POC1A: variants seen among roughly 807,000 people sequenced by gnomAD.
The protein encoded by POC1A is POC1 centriolar protein A.
In POC1A, 34 loss-of-function variants were observed where a neutral mutation model predicts 47.8. The observed-to-expected ratio is 0.71, with a 90% CI of 0.54 to 0.95. POC1A has a LOEUF of 0.95. Ranked by LOEUF, POC1A falls within the 40% of genes least tolerant of loss-of-function variation. The probability of loss-of-function intolerance (pLI) is 0.00; values close to 1 mark genes in which losing one functional copy is unlikely to be tolerated. For synonymous variants in POC1A, 177 were observed against 207.6 expected (o/e 0.85, Z 1.27); for missense variants, 466 against 528.3 (o/e 0.88, Z 1.16).
At chr3:52,119,274 TC>T (rs1052284579) in intron 9 of POC1A, among the ~76,000 whole-genome samples, 9 of 151,782 alleles carry the variant, frequency 5.9e-5, no homozygotes, top group Non-Finnish European at 1.3e-4. Context: ...ATTCCCACAC[TC>T]CTCCCACTGC....
intron 7 of POC1A, among the ~76,000 whole-genome samples, chr3:52,126,082 A>G (rs1703986843): frequency 6.6e-6 from 1 of 152,144 alleles, no homozygotes; most frequent in African/African-American, 2.4e-5. Context: ...TGGTATTCCC[A>G]AGCAAAATCA....
At chr3:52,107,089 C>T (rs1309332542) in intron 9 of POC1A, among the ~76,000 whole-genome samples, 1 of 152,178 alleles carries the variant, frequency 6.6e-6, no homozygotes, top group Non-Finnish European at 1.5e-5. Flanking sequence ...AGGGAGGTGA[C>T]GGCTAAGTAA....
chr3:52,105,201 C>A (rs148026712), intron 9 of POC1A, among the ~76,000 whole-genome samples: 48 of 152,236 alleles, frequency 3.2e-4, no homozygotes, highest in Non-Finnish European at 6.3e-4. Context: ...TGTCTGACCA[C>A]TGCTCACTGA....
intron 7 of POC1A, among the ~76,000 whole-genome samples, chr3:52,133,524 C>CT (rs1704316752): frequency 6.6e-6 from 1 of 152,142 alleles, no homozygotes; most frequent in South Asian, 2.1e-4. Context: ...TGACTCCTGG[C>CT]TGATAACCTG....
intron 6 of POC1A, among the ~76,000 whole-genome samples, chr3:52,140,393 G>A (rs1206103508): frequency 6.6e-6 from 1 of 152,190 alleles, no homozygotes; most frequent in Non-Finnish European, 1.5e-5. Flanking sequence ...CTGGGATGAA[G>A]GCCACCTCCA....
At chr3:52,087,649 A>G (rs1702506132) in intron 10 of POC1A, among the ~76,000 whole-genome samples, 1 of 152,204 alleles carries the variant, frequency 6.6e-6, no homozygotes, top group African/African-American at 2.4e-5. Flanking sequence ...TACCTTGCTC[A>G]TGGCTTAAAA....
chr3:52,080,742 G>A (rs1246759101), intron 10 of POC1A, among the ~76,000 whole-genome samples: 2 of 152,252 alleles, frequency 1.3e-5, no homozygotes, highest in Non-Finnish European at 2.9e-5. Context: ...TGCCACTGCA[G>A]CATTAAGTGA....
At chr3:52,131,294 G>A (rs1181550401) in intron 7 of POC1A, among the ~76,000 whole-genome samples, 2 of 152,322 alleles carry the variant, frequency 1.3e-5, no homozygotes, top group East Asian at 1.9e-4. Flanking sequence ...CGGGGCCTGA[G>A]GCTCTGAACA....
At chr3:52,132,422 G>A (rs997324944) in intron 7 of POC1A, among the ~76,000 whole-genome samples, 3 of 152,160 alleles carry the variant, frequency 2.0e-5, no homozygotes, top group Admixed American at 2.0e-4. Flanking sequence ...ACAAGGCTGT[G>A]TAACCTCCCC....
chr3:52,120,069 C>A (rs1003480238), intron 9 of POC1A, among the ~76,000 whole-genome samples: 6 of 152,214 alleles, frequency 3.9e-5, no homozygotes, highest in Admixed American at 6.5e-5. Context: ...GCACACTCAT[C>A]AGCTTCCCTT....
chr3:52,131,140 C>G (rs889991412), intron 7 of POC1A, among the ~76,000 whole-genome samples: 2 of 152,196 alleles, frequency 1.3e-5, no homozygotes, highest in East Asian at 3.8e-4. Context: ...ACCCGCCCAC[C>G]ATCCTCTCCC....
intron 9 of POC1A, among the ~76,000 whole-genome samples, chr3:52,108,583 C>T (rs1026930544): frequency 1.3e-5 from 2 of 152,146 alleles, no homozygotes; most frequent in Admixed American, 6.5e-5. Context: ...TCCCAAGCTC[C>T]GTAATTCATA....
chr3:52,080,152 T>A (rs541432283), intron 10 of POC1A, among the ~76,000 whole-genome samples: 20 of 151,986 alleles, frequency 1.3e-4, no homozygotes, highest in African/African-American at 4.6e-4. Context: ...TGAGGCACAG[T>A]GAGATTAAGT....
rs555217395 is a variant in POC1A at position 52,113,869 on chromosome 3, C to T, written c.981+8510G>A. Among the ~76,000 whole-genome samples the T allele has an allele frequency of 1.4e-4, 21 of 152,308 alleles. No individual in the cohort carries two copies. In the South Asian group the frequency reaches 3.9e-3, roughly 29 times the overall value. ...GATAAAGGTGGAGGAAAATGCAACC[C>T]GAGTATGAAAGGGGGCATCTTATCT... On this transcript the variant is annotated intron_variant, in intron 9 of 10. Coordinates refer to ENST00000296484, the MANE Select transcript of POC1A (RefSeq NM_015426.5).
intron 9 of POC1A, among the ~76,000 whole-genome samples, chr3:52,111,654 A>T (rs897728627): frequency 3.0e-4 from 42 of 139,426 alleles, no homozygotes; most frequent in East Asian, 8.1e-4. Context: ...CTCAAAATTA[A>T]AAAAAAAAAA....
intron 9 of POC1A, among the ~76,000 whole-genome samples, chr3:52,121,297 G>C (rs1479734615): frequency 1.3e-5 from 2 of 152,160 alleles, no homozygotes; most frequent in African/African-American, 4.8e-5. Flanking sequence ...TTTCTGGGTG[G>C]AAGATGAACT....
At chr3:52,137,016 G>T (rs1476771983) in intron 7 of POC1A, among the ~76,000 whole-genome samples, 1 of 152,146 alleles carries the variant, frequency 6.6e-6, no homozygotes, top group Non-Finnish European at 1.5e-5. Context: ...ATCCCAAACG[G>T]TTACACATGA....
At chr3:52,127,623 G>A (rs921533297) in intron 7 of POC1A, among the ~76,000 whole-genome samples, 2 of 151,592 alleles carry the variant, frequency 1.3e-5, no homozygotes, top group African/African-American at 4.9e-5. Flanking sequence ...TCGATCTCCT[G>A]ACCCCATGAT....
intron 9 of POC1A, among the ~76,000 whole-genome samples, chr3:52,116,295 C>A (rs553956393): frequency 3.3e-5 from 5 of 152,220 alleles, no homozygotes; most frequent in Non-Finnish European, 7.3e-5. Flanking sequence ...AGGACAAGCA[C>A]AGGAGGTGGC....
Sources: allele counts gnomAD v4.1 joint callset (sites outside exome capture counted in the v4.1 genomes callset), GRCh38; gene constraint gnomAD v4.1.1; transcripts MANE v1.5; gene names NCBI Gene and HGNC (gene_info 2026-07-23, HGNC 2026-07-21).